The following TMEM59 variants were observed in gnomAD, a reference collection of about 807,000 sequenced individuals.
TMEM59 encodes the protein dendritic cell factor 1.
TMEM59 carries 44 observed loss-of-function variants against 42.2 expected under a neutral mutation model. The observed-to-expected ratio is 1.04, with a 90% CI of 0.82 to 1.34. The LOEUF is 1.34. Among genes scored for constraint, TMEM59 ranks in the 40% most tolerant of loss-of-function variants. The pLI is 0.00. For missense variants in TMEM59, 359 were observed against 382.8 expected (o/e 0.94, Z 0.52); for synonymous variants, 148 against 145.8 (o/e 1.02, Z -0.11).
upstream of TMEM59, chr1:54,053,319 GC>G: frequency 9.0e-7 from 1 of 1,106,934 alleles, no homozygotes; most frequent in East Asian, 2.6e-5. Flanking sequence ...CTTCAGCTCC[GC>G]CCTCACCCGC....
intron 1 of TMEM59, chr1:54,047,866 G>A (rs1657396973): frequency 6.4e-6 from 1 of 157,186 alleles, no homozygotes; most frequent in Admixed American, 6.5e-5. Flanking sequence ...TACTCAGTAG[G>A]CTGAGGTGTG....
chr1:54,040,895 A>G (rs890645074), intron 5 of TMEM59, 58 bp from the exon 6 acceptor site: 5 of 1,347,088 alleles, frequency 3.7e-6, no homozygotes, highest in Non-Finnish European at 4.3e-6. Flanking sequence ...CTAGTCTCAC[A>G]TGACTACTTC....
chr1:54,039,727 T>C (rs1657075400), intron 6 of TMEM59, among the ~76,000 whole-genome samples: 1 of 152,182 alleles, frequency 6.6e-6, no homozygotes, highest in African/African-American at 2.4e-5. Context: ...GAAACTTGTT[T>C]ACCACTCACT....
intron 1 of TMEM59, among the ~76,000 whole-genome samples, chr1:54,051,779 T>C (rs998419104): frequency 2.6e-4 from 40 of 152,354 alleles, no homozygotes; most frequent in South Asian, 8.3e-4. Context: ...AAGTTAAAAC[T>C]TCTCACTTCT....
At chr1:54,041,671 A>T in intron 5 of TMEM59, 53 bp downstream of exon 5, 1 of 1,445,346 alleles carries the variant, frequency 6.9e-7, no homozygotes, top group Non-Finnish European at 9.7e-7. Flanking sequence ...ACTCTACTAC[A>T]ACCAGATTTG....
At chr1:54,053,385 C>T (rs375684902), upstream of TMEM59, 5 of 636,400 alleles carry the variant, frequency 7.9e-6, no homozygotes, top group South Asian at 8.2e-5. Context: ...TTCTCCTAGG[C>T]TGGCGTGAGG....
intron 7 of TMEM59, chr1:54,034,170 T>C (rs1384151921): frequency 6.7e-6 from 1 of 149,106 alleles, no homozygotes; most frequent in East Asian, 2.0e-4. Flanking sequence ...TATAACATGA[T>C]GAACCTTGAA....
rs183010611 is a variant in TMEM59, at chr1:54,043,477, C to A, written c.439G>T (p.Val147Leu). ...KMHLLFPLTLVRSFWSDMMDS... is the reference protein window; with the variant it reads ...KMHLLFPLTLLRSFWSDMMDS... The stretch of plus-strand genomic sequence containing the variant: ...ATCATGTCACTCCAGAATGACCTCA[C>A]CAGAGTTAGAGGAAAGAGTAGGTGC... The change falls in exon 4 of 8, where the codon GTG (valine) becomes TTG (leucine). Residue 147 changes from valine (V) to leucine (L), a missense_variant. Val to Leu is a conservative substitution (Grantham distance 32). Coordinates refer to ENST00000234831, the MANE Select transcript of TMEM59 (RefSeq NM_004872.5). The A allele has an allele frequency of 1.3e-6, 2 of 1,560,488 alleles. No individual in the cohort carries two copies. The highest frequency in any genetic ancestry group is 1.8e-5 in the Admixed American group (1 of 54,834).
rs1657376808 is a variant in TMEM59, at chr1:54,047,363, A to G, written c.199T>C (p.Leu67=). 2 of 1,613,360 alleles carry G rather than the reference A, an allele frequency of 1.2e-6. No homozygotes were observed. Among genetic ancestry groups the G allele is most frequent in the Non-Finnish European group, 1.7e-6 (2 of 1,179,796 alleles). ...CTGCAACCTCTCTGACATGCGTACA[A>G]CTCCTCTTCCTAGGGAGTTCAAGAA... ...PLHTYPKEEE[L]YACQRGCRLF... The change falls in exon 2 of 8, where the codon TTG becomes CTG. Residue 67 remains leucine, a synonymous_variant. Transcript: ENST00000234831.
intron 6 of TMEM59, 134 bp downstream of exon 6, chr1:54,040,622 T>C: frequency 9.1e-6 from 6 of 658,828 alleles, no homozygotes; most frequent in South Asian, 6.4e-5. Flanking sequence ...AAATATCTAA[T>C]GTACAACTTT....
Position 54,041,784 on chromosome 1 carries a change from C to A in TMEM59, c.565G>T (p.Ala189Ser). The change falls in exon 5 of 8, where the codon GCA (alanine) becomes TCA (serine). Residue 189 changes from alanine to serine, a missense_variant. Coordinates refer to ENST00000234831, the MANE Select transcript of TMEM59 (RefSeq NM_004872.5). ...IFQSKPEIQYAPHLEQEPTNL... is the reference protein window; with the variant it reads ...IFQSKPEIQYSPHLEQEPTNL... ...GTAGGCTCCTGCTCCAAATGTGGTGCGTACTGGATTTCTGGCTTAGACTAA... is the reference window on the plus strand; with the variant it reads ...GTAGGCTCCTGCTCCAAATGTGGTGAGTACTGGATTTCTGGCTTAGACTAA... 6.2e-7 allele frequency: 1 copy of A among 1,612,996 alleles called. No homozygotes were observed. Among genetic ancestry groups the A allele is most frequent in the Non-Finnish European group, 8.5e-7 (1 of 1,179,372 alleles).
upstream of TMEM59, chr1:54,053,273 C>T (rs928931310): frequency 4.6e-5 from 70 of 1,510,520 alleles, no homozygotes; most frequent in Non-Finnish European, 6.1e-5. Flanking sequence ...GCCCCCTTCT[C>T]CGCCCCACCG....
At chr1:54,032,359 AAGTT>A (rs1294538512) in intron 7 of TMEM59, 54 bp from the exon 8 acceptor site, 5 of 1,405,040 alleles carry the variant, frequency 3.6e-6, no homozygotes, top group Middle Eastern at 2.4e-4. Context: ...GAACCTCTCC[AAGTT>A]AGTCTTTAAA....
intron 1 of TMEM59, 61 bp from the exon 2 acceptor site, chr1:54,047,433 A>G (rs949692064): frequency 7.3e-7 from 1 of 1,374,448 alleles, no homozygotes; most frequent in East Asian, 2.3e-5. Flanking sequence ...CCTCAGGGGA[A>G]AACAGGTTAG....
chr1:54,039,770 G>C (rs1458919213), intron 6 of TMEM59, among the ~76,000 whole-genome samples: 2 of 152,044 alleles, frequency 1.3e-5, no homozygotes, highest in Admixed American at 6.6e-5. Context: ...ACACCGAGTA[G>C]GTGATAGTCA....
chr1:54,035,975 T>C (rs781285128), intron 7 of TMEM59, among the ~76,000 whole-genome samples: 56 of 152,146 alleles, frequency 3.7e-4, no homozygotes, highest in Non-Finnish European at 7.4e-4. Flanking sequence ...ATTTAAACTA[T>C]TAAGTGGTTC....
At chr1:54,053,434 G>GC, upstream of TMEM59, 1 of 530,430 alleles carries the variant, frequency 1.9e-6, no homozygotes, top group African/African-American at 1.9e-5. Context: ...CGCGAAGCGG[G>GC]GCCTCCTGAC....
At chr1:54,047,456 T>A in intron 1 of TMEM59, 84 bp from the exon 2 acceptor site, 1 of 1,081,594 alleles carries the variant, frequency 9.2e-7, no homozygotes, top group Non-Finnish European at 1.4e-6. Flanking sequence ...AGAAAGCAGT[T>A]AGTAAAGTTT....
rs533631174 is a variant in TMEM59 at position 54,026,782 on chromosome 1, C to T, written c.*5368G>A. On this transcript the variant is annotated 3_prime_UTR_variant, in exon 8 of 8. Coordinates refer to ENST00000234831, the MANE Select transcript of TMEM59 (RefSeq NM_004872.5). ...CACCAATAATGGTGGCATGATGGTA[C>T]ACCTGGAGGTAACATTATCAAGAGC... 2 of 147,496 alleles carry T rather than the reference C, an allele frequency of 1.4e-5. No individual in the cohort carries two copies. Among genetic ancestry groups the T allele is most frequent in the African/African-American group, 4.8e-5 (2 of 41,242 alleles). 9.1% of individuals were successfully genotyped at this position (147,496 alleles called of 1,614,324 possible).
Sources: allele counts gnomAD v4.1 joint callset (sites outside exome capture counted in the v4.1 genomes callset), GRCh38; gene constraint gnomAD v4.1.1; transcripts MANE v1.5; gene names NCBI Gene and HGNC (gene_info 2026-07-23, HGNC 2026-07-21).